Variants in ADGRE2 observed in about 807,000 individuals in gnomAD.
The protein encoded by ADGRE2 is CD97 antigen.
In ADGRE2, 83 loss-of-function variants were observed where a neutral mutation model predicts 100.8. That is an observed-to-expected ratio of 0.82 (90% CI 0.69 to 0.99). ADGRE2 has a LOEUF of 0.99. Ranked by LOEUF, ADGRE2 falls within the 50% of genes least tolerant of loss-of-function variation. ADGRE2 has a pLI of 0.00. For missense variants in ADGRE2, 814 were observed against 1,035.7 expected (o/e 0.79, Z 2.94); for synonymous variants, 355 against 413.0 (o/e 0.86, Z 1.70).
intron 14 of ADGRE2, among the ~76,000 whole-genome samples, chr19:14,752,848 T>G (rs1274321557): frequency 6.6e-6 from 1 of 151,948 alleles, no homozygotes; most frequent in Non-Finnish European, 1.5e-5. Context: ...CTCTGCTCAC[T>G]GCAGCCTCTG....
intron 20 of ADGRE2, among the ~76,000 whole-genome samples, chr19:14,738,969 C>CTTTTTTTTTTTTTTTTTT (rs68029679): frequency 9.5e-6 from 1 of 104,912 alleles, no homozygotes; most frequent in African/African-American, 3.4e-5. Flanking sequence ...CTTTTCTTTT[C>CTTTTTTTTTTTTTTTTTT]TTTTTTTTTT....
At chr19:14,748,676 G>T (rs555113240) in intron 16 of ADGRE2, among the ~76,000 whole-genome samples, 5 of 152,228 alleles carry the variant, frequency 3.3e-5, no homozygotes, top group Admixed American at 6.6e-5. Context: ...TTTGTTTTGG[G>T]TATATACCTG....
At position 14,761,790 on chromosome 19, in the gene ADGRE2, C is replaced by G. The variant is rs566444597; in HGVS notation, c.1084+2643G>C. Among the ~76,000 whole-genome samples, 9 of 152,280 alleles carry G rather than the reference C, an allele frequency of 5.9e-5. 1 individual carries two copies. Among genetic ancestry groups the G allele is most frequent in the Admixed American group, 5.9e-4 (9 of 15,294 alleles). ...AATAAGATTAGGGTGGGGCAGCCAG[C>G]TTCCCTGCACCTTATGTAAACGTCA... On this transcript the variant is annotated intron_variant, in intron 11 of 20. Transcript: ENST00000315576.
chr19:14,730,929 T>C (rs909636614), downstream of ADGRE2, among the ~76,000 whole-genome samples: 5 of 151,924 alleles, frequency 3.3e-5, no homozygotes, highest in African/African-American at 1.2e-4. Flanking sequence ...CTAAGTTAAT[T>C]CACTTAGGAT....
rs928575810 is a variant in ADGRE2, at chr19:14,774,001, G to A, written c.136C>T (p.Arg46Cys). The A allele has an allele frequency of 1.2e-5, 19 of 1,613,974 alleles. No individual in the cohort carries two copies. Among genetic ancestry groups the A allele is most frequent in the African/African-American group, 4.0e-5 (3 of 74,890 alleles). The change falls in exon 4 of 21, where the codon CGC (arginine) becomes TGC (cysteine). Residue 46 changes from arginine to cysteine, a missense_variant. Transcript: ENST00000315576. Reference sequence around the variant, plus strand: ...AAAGAGCTGAACCCTGGATTGCAGCGACAGGCGGTGGCATTGACACACGAG... The same window carrying A: ...AAAGAGCTGAACCCTGGATTGCAGCAACAGGCGGTGGCATTGACACACGAG... ...DSSCVNATACRCNPGFSSFSE... is the reference protein window; with the variant it reads ...DSSCVNATACCCNPGFSSFSE...
In ADGRE2 at chr19:14,751,628, A is replaced by T; in HGVS notation, c.1832T>A (p.Leu611Gln). ...CAGCAGCATCCAGGTCAAGGTGGCC[A>T]GGTAGAGATAGTGCAAGGTACCGGC... ...IIAGTLHYLY[L>Q]ATLTWMLLEA... Residue 611 changes from leucine to glutamine, a missense_variant, in exon 16 of 21, where the codon CTG (leucine) becomes CAG (glutamine). By Grantham distance (113) the Leu-to-Gln change is moderately radical. Transcript: ENST00000315576. 6.2e-7 allele frequency: 1 copy of T among 1,614,068 alleles called. No homozygotes were observed. Among genetic ancestry groups the T allele is most frequent in the Non-Finnish European group, 8.5e-7 (1 of 1,180,002 alleles).
intron 11 of ADGRE2, among the ~76,000 whole-genome samples, chr19:14,761,861 C>G (rs2043737849): frequency 6.6e-6 from 1 of 152,204 alleles, no homozygotes; most frequent in Non-Finnish European, 1.5e-5. Flanking sequence ...TTAGACACTG[C>G]CTCCTCAAGC....
In ADGRE2 at chr19:14,766,891, C is replaced by T; in HGVS notation, c.487+87G>A. 2.7e-6 allele frequency: 4 copies of T among 1,489,328 alleles called. No homozygotes were observed. The South Asian group carries it at 5.0e-5, about 19-fold the overall frequency. 92.3% of individuals were successfully genotyped at this position (1,489,328 alleles called of 1,614,324 possible). On this transcript the variant is annotated intron_variant, in intron 6 of 20. Transcript: ENST00000315576. ...CCTTGTGGGAACCTGCGGATCTTCT[C>T]CCTCCTCCTCGGCTGCTTTGGAGGA...
intron 2 of ADGRE2, 67 bp downstream of exon 2, chr19:14,776,659 G>T: frequency 6.5e-7 from 1 of 1,541,732 alleles, no homozygotes; most frequent in South Asian, 1.2e-5. Context: ...CCGTTTCTCA[G>T]ACGCATCCAA....
At chr19:14,739,239 G>C (rs1039908096) in intron 20 of ADGRE2, among the ~76,000 whole-genome samples, 1 of 152,118 alleles carries the variant, frequency 6.6e-6, no homozygotes, top group Non-Finnish European at 1.5e-5. Flanking sequence ...CAAAGTGTTG[G>C]GATTACAGGT....
In ADGRE2 at chr19:14,751,504, G is replaced by A. The variant is rs776005214; in HGVS notation, c.1956C>T (p.Tyr652=). 16 of 1,613,984 alleles carry A rather than the reference G, an allele frequency of 9.9e-6. No homozygotes were observed. Among genetic ancestry groups the A allele is most frequent in the African/African-American group, 2.7e-5 (2 of 74,892 alleles). The stretch of plus-strand genomic sequence containing the variant: ...TGGCCACTGTCACAGCTGGGACTCC[G>A]TAGCCCACAGGGAACATGAGCTTCT... The part of the protein sequence containing the change: ...FMKKLMFPVG[Y]GVPAVTVAIS... Residue 652 remains tyrosine, a synonymous_variant, in exon 16 of 21, where the codon TAC becomes TAT. Coordinates refer to ENST00000315576, the MANE Select transcript of ADGRE2 (RefSeq NM_013447.4).
the ADGRE2 span, among the ~76,000 whole-genome samples, chr19:14,725,080 G>A: frequency 2.8e-3 from 419 of 152,300 alleles, 4 homozygotes; most frequent in African/African-American, 9.7e-3. Context: ...AGCTTCTGGC[G>A]AGGGCCTCAG....
chr19:14,774,053 G>A lies in ADGRE2; in HGVS notation c.84C>T (p.Gly28=). 1 of 1,613,680 alleles carries A rather than the reference G, an allele frequency of 6.2e-7. No individual in the cohort carries two copies. The highest frequency in any genetic ancestry group is 1.1e-5 in the South Asian group (1 of 91,066). The part of the protein sequence containing the change: ...LPGAETQDSR[G]CARWCPQDSS... Reference sequence around the variant, plus strand: ...AGTCCTGAGGGCACCACCGGGCACAGCCTGCAAGAGCAGGGAGCACGGTCA... The same window carrying A: ...AGTCCTGAGGGCACCACCGGGCACAACCTGCAAGAGCAGGGAGCACGGTCA... Residue 28 remains glycine, a splice_region_variant and synonymous_variant, in exon 4 of 21, where the codon GGC becomes GGT. Transcript: ENST00000315576.
At chr19:14,770,927 G>A (rs190670426) in intron 5 of ADGRE2, among the ~76,000 whole-genome samples, 177 of 152,044 alleles carry the variant, frequency 1.2e-3, no homozygotes, top group Middle Eastern at 0.01. Flanking sequence ...TGATCCACCC[G>A]CCTCAGCCTC....
chr19:14,746,657 C>T (rs543703802), intron 17 of ADGRE2, among the ~76,000 whole-genome samples: 25 of 152,266 alleles, frequency 1.6e-4, no homozygotes, highest in African/African-American at 1.9e-4. Flanking sequence ...GCCACCACAC[C>T]GGGCCTGAAG....
At chr19:14,757,822 G>T (rs908022280) in intron 11 of ADGRE2, among the ~76,000 whole-genome samples, 1 of 151,914 alleles carries the variant, frequency 6.6e-6, no homozygotes, top group Non-Finnish European at 1.5e-5. Context: ...TTTTATTTTT[G>T]GGACAGAGTC....
At chr19:14,730,458 C>G (rs989069469), downstream of ADGRE2, among the ~76,000 whole-genome samples, 46 of 89,352 alleles carry the variant, frequency 5.1e-4, no homozygotes, top group Middle Eastern at 6.1e-3. Flanking sequence ...CTCCCTTCCT[C>G]TCTTTCTTTC....
chr19:14,754,864 A>C, intron 14 of ADGRE2, 90 bp downstream of exon 14: 1 of 1,392,928 alleles, frequency 7.2e-7, no homozygotes, highest in Non-Finnish European at 9.8e-7. Context: ...CTGTGAGATA[A>C]TGCATATATT....
chr19:14,777,293 C>G (rs889894934), intron 1 of ADGRE2, among the ~76,000 whole-genome samples: 31 of 152,186 alleles, frequency 2.0e-4, no homozygotes, highest in African/African-American at 7.5e-4. Flanking sequence ...GTTGGCAGAG[C>G]CTGCGTCCCA....
Sources: allele counts gnomAD v4.1 joint callset (sites outside exome capture counted in the v4.1 genomes callset), GRCh38; gene constraint gnomAD v4.1.1; transcripts MANE v1.5; gene names NCBI Gene and HGNC (gene_info 2026-07-23, HGNC 2026-07-21).